TMCO4: variants seen among roughly 807,000 people sequenced by gnomAD.
TMCO4 encodes the protein transmembrane and coiled-coil domain-containing protein 4.
A neutral mutation model predicts 64.7 loss-of-function variants in TMCO4; 58 were observed. The observed-to-expected ratio is 0.90, with a 90% CI of 0.73 to 1.12. The LOEUF is 1.12. Ranked by LOEUF, TMCO4 falls within the 50% of genes most tolerant of loss-of-function variation. The pLI, the probability that TMCO4 is intolerant of heterozygous loss-of-function variation, is 0.00. For missense variants in TMCO4, 780 were observed against 825.9 expected, an observed-to-expected ratio of 0.94 and a Z score of 0.68; for synonymous variants, 325 against 346.1, an observed-to-expected ratio of 0.94 and a Z score of 0.68.
chr1:19,688,756 A>G (rs2095169495), intron 15 of TMCO4, among the ~76,000 whole-genome samples: 2 of 152,196 alleles, frequency 1.3e-5, no homozygotes, highest in Non-Finnish European at 2.9e-5. Context: ...CAGGACCTCT[A>G]TGAGGATCAA....
intron 13 of TMCO4, among the ~76,000 whole-genome samples, chr1:19,718,697 A>G (rs952424895): frequency 6.7e-6 from 1 of 149,670 alleles, no homozygotes; most frequent in African/African-American, 2.5e-5. Flanking sequence ...CCTGGTTGCC[A>G]GTGTCATAAT....
In TMCO4 at chr1:19,682,407, C is replaced by T. The variant is rs1026933685; in HGVS notation, c.*633G>A. The T allele has an allele frequency of 2.3e-5, 13 of 555,882 alleles. No homozygotes were observed. The highest frequency in any genetic ancestry group is 4.8e-5 in the South Asian group (2 of 41,876). 34.4% of individuals were successfully genotyped at this position (555,882 alleles called of 1,614,324 possible). A position where few individuals can be genotyped will look rare whatever the true frequency, so the allele number is the denominator to read the frequency against. On this transcript the variant is annotated 3_prime_UTR_variant, in exon 16 of 16. Coordinates refer to ENST00000294543, the MANE Select transcript of TMCO4 (RefSeq NM_181719.7). The stretch of plus-strand genomic sequence containing the variant: ...TTAGTGGTGTCCAGATGTTGCATGA[C>T]GGGGGAGCACACTCACATTGTGTCT...
At chr1:19,694,328 C>T (rs2095219959) in intron 15 of TMCO4, 106 bp downstream of exon 15, 2 of 914,072 alleles carry the variant, frequency 2.2e-6, no homozygotes. Flanking sequence ...GATCTTTCTC[C>T]TGTGGCGTGG....
chr1:19,796,643 C>T (rs1018794055), intron 2 of TMCO4, among the ~76,000 whole-genome samples: 16 of 152,202 alleles, frequency 1.1e-4, no homozygotes, highest in Middle Eastern at 3.4e-3. Flanking sequence ...AGCTCGATCT[C>T]GGCTCACTGC....
chr1:19,796,648 C>A (rs1301247893), intron 2 of TMCO4, among the ~76,000 whole-genome samples: 1 of 152,078 alleles, frequency 6.6e-6, no homozygotes, highest in Non-Finnish European at 1.5e-5. Context: ...GATCTCGGCT[C>A]ACTGCAACCT....
At chr1:19,698,266 G>GGT (rs1176262388) in intron 14 of TMCO4, among the ~76,000 whole-genome samples, 1 of 152,158 alleles carries the variant, frequency 6.6e-6, no homozygotes, top group African/African-American at 2.4e-5. Context: ...GAGCCCACAG[G>GGT]GTGGCCTCTT....
chr1:19,714,937 A>G (rs764229599), intron 13 of TMCO4, among the ~76,000 whole-genome samples: 2 of 151,626 alleles, frequency 1.3e-5, no homozygotes, highest in Non-Finnish European at 2.9e-5. Context: ...ATAAATAAAT[A>G]AATAAATAAA....
chr1:19,797,956 GAGAAA>G (rs56065038), intron 2 of TMCO4, 176 bp downstream of exon 2: 35,762 of 121,364 alleles, frequency 0.29, 6,066 homozygotes, highest in Middle Eastern at 0.4. Context: ...GAGAAAGAGA[GAGAAA>G]AGAAAAGAAA....
chr1:19,739,792 A>G, intron 12 of TMCO4, 32 bp downstream of exon 12: 2 of 1,604,340 alleles, frequency 1.2e-6, no homozygotes, highest in South Asian at 1.1e-5. Context: ...CCTCTTGCTC[A>G]ATGCCACGCC....
At chr1:19,742,161 C>T (rs917595707) in intron 10 of TMCO4, among the ~76,000 whole-genome samples, 5 of 152,172 alleles carry the variant, frequency 3.3e-5, no homozygotes, top group African/African-American at 1.2e-4. Flanking sequence ...AGTCCAATCG[C>T]CTCTTCCACG....
chr1:19,765,747 C>T (rs1044823298), intron 6 of TMCO4, among the ~76,000 whole-genome samples: 1 of 152,016 alleles, frequency 6.6e-6, no homozygotes, highest in Non-Finnish European at 1.5e-5. Context: ...CGCCCAGCTG[C>T]CAATATGGCA....
At chr1:19,706,072 T>C (rs1183466410) in intron 13 of TMCO4, among the ~76,000 whole-genome samples, 3 of 152,050 alleles carry the variant, frequency 2.0e-5, no homozygotes, top group Admixed American at 1.3e-4. Context: ...CCTGGCTGAT[T>C]TGTTAAATTT....
At chr1:19,739,990 T>C (rs775455291) in intron 11 of TMCO4, 30 bp from the exon 12 acceptor site, 15 of 1,603,886 alleles carry the variant, frequency 9.4e-6, no homozygotes, top group East Asian at 2.3e-5. Context: ...ATGAAGGGAA[T>C]GGCCCCTGTC....
At chr1:19,742,052 A>G (rs1478515431) in intron 10 of TMCO4, among the ~76,000 whole-genome samples, 4 of 151,972 alleles carry the variant, frequency 2.6e-5, no homozygotes, top group Non-Finnish European at 4.4e-5. Context: ...TGACTTTTTC[A>G]AAACACAAAT....
Position 19,755,629 on chromosome 1 carries a change from CTTACTCAGA to C in TMCO4, c.511_515+4del. 1 of 1,613,922 alleles carries C rather than the reference CTTACTCAGA, an allele frequency of 6.2e-7. No homozygotes were observed. The highest frequency in any genetic ancestry group is 8.5e-7 in the Non-Finnish European group (1 of 1,179,902). On this transcript the variant is annotated splice_donor_variant and splice_donor_region_variant and coding_sequence_variant and intron_variant, in exon 7 of 16. Transcript: ENST00000294543. LOFTEE classifies it high-confidence loss of function. ...ATCCTGATGGGGGTCGCGGGGCTCT[CTTACTCAGA>C]TTCCTCTTCTTTGATTTCCTTCAGG...
At chr1:19,760,763 C>T (rs1361928405) in intron 6 of TMCO4, among the ~76,000 whole-genome samples, 1 of 152,222 alleles carries the variant, frequency 6.6e-6, no homozygotes, top group Non-Finnish European at 1.5e-5. Flanking sequence ...AAAATTTAAG[C>T]TCCAAATCCA....
intron 15 of TMCO4, among the ~76,000 whole-genome samples, chr1:19,692,056 TA>T (rs1227157163): frequency 6.6e-6 from 1 of 152,198 alleles, no homozygotes; most frequent in African/African-American, 2.4e-5. Flanking sequence ...CTTTATAAAT[TA>T]CCCAGTCTTG....
Position 19,734,302 on chromosome 1 carries a change from A to G in TMCO4, c.1264+3070T>C, listed in dbSNP as rs977356985. Among the ~76,000 whole-genome samples the G allele has an allele frequency of 2.6e-5, 4 of 152,162 alleles. No individual in the cohort carries two copies. The highest frequency in any genetic ancestry group is 4.4e-5 in the Non-Finnish European group (3 of 68,022). On this transcript the variant is annotated intron_variant, in intron 13 of 15. Transcript: ENST00000294543. The surrounding 1 kb of genome is among the most constrained non-coding windows in gnomAD (Gnocchi z 4.4). Reference sequence around the variant, plus strand: ...CATCCACACTGATCTAGAGAACAGCAGGGGCATTAGAGGCCCTTGGGGTCT... The same window carrying G: ...CATCCACACTGATCTAGAGAACAGCGGGGGCATTAGAGGCCCTTGGGGTCT...
intron 7 of TMCO4, among the ~76,000 whole-genome samples, chr1:19,751,863 A>G (rs923252449): frequency 6.6e-6 from 1 of 152,056 alleles, no homozygotes; most frequent in African/African-American, 2.4e-5. Flanking sequence ...CCTGGCTAAC[A>G]TGATGAAACC....
Sources: allele counts gnomAD v4.1 joint callset (sites outside exome capture counted in the v4.1 genomes callset), GRCh38; gene constraint gnomAD v4.1.1; non-coding constraint Gnocchi (gnomAD v3.1); transcripts MANE v1.5; gene names NCBI Gene and HGNC (gene_info 2026-07-23, HGNC 2026-07-21).